Variants in ABCD2 observed in about 807,000 individuals in gnomAD.
ABCD2 encodes ATP binding cassette subfamily D member 2, also known as ATP-binding cassette sub-family D member 2.
In ABCD2, 36 loss-of-function variants were observed where a neutral mutation model predicts 70.9. The ratio of observed to expected loss-of-function variants is 0.51; its 90% CI spans 0.39 to 0.67. The LOEUF (loss-of-function observed/expected upper bound fraction) is 0.67. ABCD2 is among the 30% of genes least tolerant of loss of function. The pLI is 0.00. For synonymous variants in ABCD2, 304 were observed against 306.9 expected, an observed-to-expected ratio of 0.99 and a Z score of 0.10; for missense variants, 729 against 890.2, an observed-to-expected ratio of 0.82 and a Z score of 2.30.
chr12:39,586,808 G>A (rs1361962772), intron 6 of ABCD2, among the ~76,000 whole-genome samples: 1 of 152,088 alleles, frequency 6.6e-6, no homozygotes, highest in Non-Finnish European at 1.5e-5. Context: ...TATACAATTT[G>A]GGTTTCGACC....
intron 2 of ABCD2, among the ~76,000 whole-genome samples, chr12:39,613,639 GGT>G: frequency 6.6e-6 from 1 of 152,050 alleles, no homozygotes; most frequent in South Asian, 2.1e-4. Flanking sequence ...TAGCTAATAT[GGT>G]GGCAGCATGA....
At position 39,550,959 on chromosome 12, in the gene ABCD2, A is replaced by T. The variant is rs552467862; in HGVS notation, c.*2953T>A. 3.3e-5 allele frequency: 5 copies of T among 151,776 alleles called. No homozygotes were observed. Among genetic ancestry groups the T allele is most frequent in the African/African-American group, 1.2e-4 (5 of 41,436 alleles). 9.4% of individuals were successfully genotyped at this position (151,776 alleles called of 1,614,324 possible). On this transcript the variant is annotated 3_prime_UTR_variant, in exon 10 of 10. Coordinates refer to ENST00000308666, the MANE Select transcript of ABCD2 (RefSeq NM_005164.4). The stretch of plus-strand genomic sequence containing the variant: ...AACTATACTTGGAACCAATGTTTCA[A>T]ATAAAAACTAGGATATTCATTTATG...
chr12:39,590,314 G>A (rs1375951025), intron 6 of ABCD2, among the ~76,000 whole-genome samples: 1 of 152,024 alleles, frequency 6.6e-6, no homozygotes, highest in African/African-American at 2.4e-5. Context: ...CACTTGCTCT[G>A]GCTCATTACA....
At chr12:39,573,498 A>G (rs1350847990) in intron 9 of ABCD2, among the ~76,000 whole-genome samples, 1 of 152,120 alleles carries the variant, frequency 6.6e-6, no homozygotes, top group Non-Finnish European at 1.5e-5. Context: ...GGATTTTTCC[A>G]TGTCTTTTAA....
chr12:39,619,078 C>T lies in ABCD2; in HGVS notation c.538G>A (p.Val180Ile). 6.2e-7 allele frequency: 1 copy of T among 1,614,198 alleles called. No individual in the cohort carries two copies. Among genetic ancestry groups the T allele is most frequent in the Non-Finnish European group, 8.5e-7 (1 of 1,180,034 alleles). The change falls in exon 1 of 10, where the codon GTA becomes ATA. Residue 180 changes from valine (V) to isoleucine (I), a missense_variant. By Grantham distance (29) the Val-to-Ile change is conservative (BLOSUM62 3). Around this residue, in one of 3 missense-constraint regions of ABCD2, gnomAD observed 245 missense variants for 261.2 expected, o/e 0.94. Coordinates refer to ENST00000308666, the MANE Select transcript of ABCD2 (RefSeq NM_005164.4). ...KLALAFRTRL[V>I]DHAYETYFTN... The stretch of plus-strand genomic sequence containing the variant: ...AAATAGGTTTCATAGGCGTGGTCTA[C>T]TAGGCGAGTTCTGAAGGCCAAAGCC...
At chr12:39,545,031 C>T in the ABCD2 span, among the ~76,000 whole-genome samples, 1 of 152,174 alleles carries the variant, frequency 6.6e-6, no homozygotes, top group Non-Finnish European at 1.5e-5. Flanking sequence ...TGCAGAAAAA[C>T]ACCTCAAAAA....
At chr12:39,591,189 C>T (rs1016513496) in intron 6 of ABCD2, among the ~76,000 whole-genome samples, 5 of 152,126 alleles carry the variant, frequency 3.3e-5, no homozygotes, top group African/African-American at 1.2e-4. Context: ...CATAACTATA[C>T]ATGCTGGAAC....
chr12:39,590,531 T>C (rs1477263059), intron 6 of ABCD2, among the ~76,000 whole-genome samples: 1 of 152,086 alleles, frequency 6.6e-6, no homozygotes, highest in Non-Finnish European at 1.5e-5. Flanking sequence ...AATCCTTATT[T>C]AAACAATTAT....
At chr12:39,600,131 T>C (rs1404665430) in intron 6 of ABCD2, among the ~76,000 whole-genome samples, 1 of 152,238 alleles carries the variant, frequency 6.6e-6, no homozygotes, top group Non-Finnish European at 1.5e-5. Context: ...TCATATAGCA[T>C]AATTGTAAAG....
At chr12:39,570,213 C>G (rs1394961800) in intron 9 of ABCD2, among the ~76,000 whole-genome samples, 2 of 152,194 alleles carry the variant, frequency 1.3e-5, no homozygotes, top group African/African-American at 4.8e-5. Context: ...CAATGATAGT[C>G]TTCAGAGAAA....
At chr12:39,567,129 T>C (rs1941362879) in intron 9 of ABCD2, among the ~76,000 whole-genome samples, 1 of 152,242 alleles carries the variant, frequency 6.6e-6, no homozygotes, top group Non-Finnish European at 1.5e-5. Flanking sequence ...TGGAGAGTTC[T>C]GTAGATGTCT....
downstream of ABCD2, among the ~76,000 whole-genome samples, chr12:39,548,039 G>A (rs1941043448): frequency 6.6e-6 from 1 of 152,054 alleles, no homozygotes; most frequent in African/African-American, 2.4e-5. Context: ...AGTAGAAACT[G>A]TACTTCCAGT....
intron 2 of ABCD2, among the ~76,000 whole-genome samples, chr12:39,609,927 C>A (rs73096570): frequency 6.6e-6 from 1 of 152,040 alleles, no homozygotes; most frequent in South Asian, 2.1e-4. Flanking sequence ...CCTGAGAGAG[C>A]TTACAGCTTG....
chr12:39,594,440 T>C (rs1045086453), intron 6 of ABCD2, among the ~76,000 whole-genome samples: 4 of 152,174 alleles, frequency 2.6e-5, no homozygotes, highest in Admixed American at 2.6e-4. Context: ...TCAATCCTGG[T>C]TCAGGATGCC....
At chr12:39,544,888 A>C in the ABCD2 span, among the ~76,000 whole-genome samples, 1 of 152,222 alleles carries the variant, frequency 6.6e-6, no homozygotes, top group Non-Finnish European at 1.5e-5. Context: ...ACAGTGTTTA[A>C]GTGAACAGCC....
intron 6 of ABCD2, among the ~76,000 whole-genome samples, chr12:39,591,340 A>G (rs1172946065): frequency 6.6e-6 from 1 of 152,184 alleles, no homozygotes; most frequent in East Asian, 1.9e-4. Flanking sequence ...TATCTTTTGG[A>G]TAAGATATTT....
the ABCD2 span, among the ~76,000 whole-genome samples, chr12:39,534,797 A>AGAAAGAAAGAAAGAAG: frequency 6.7e-6 from 1 of 150,362 alleles, no homozygotes; most frequent in Non-Finnish European, 1.5e-5. Flanking sequence ...AAAGAAAGAA[A>AGAAAGAAAGAAAGAAG]GAAAGAAAGA....
intron 5 of ABCD2, 58 bp from the exon 6 acceptor site, chr12:39,600,774 C>T: frequency 7.0e-7 from 1 of 1,429,608 alleles, no homozygotes; most frequent in Non-Finnish European, 9.6e-7. Context: ...ATTTTGGCAG[C>T]ACCTAAAAGT....
the ABCD2 span, among the ~76,000 whole-genome samples, chr12:39,534,904 GAA>G: frequency 4.1e-5 from 3 of 73,042 alleles, no homozygotes; most frequent in South Asian, 1.3e-3. Flanking sequence ...AAGAAAGAAA[GAA>G]AGAAAGAAAG....
Sources: gnomAD v4.1 joint callset for allele counts (sites outside exome capture counted in the v4.1 genomes callset) on GRCh38, gnomAD v4.1.1 for gene constraint, gnomAD v4.1.1 regional missense constraint, MANE v1.5 for transcripts, NCBI Gene and HGNC (gene_info 2026-07-23, HGNC 2026-07-21) for gene names.